The following CCDC74A variants were observed in gnomAD, a reference collection of about 807,000 sequenced individuals.
The protein encoded by CCDC74A is coiled-coil domain-containing protein 74A.
A neutral mutation model predicts 37.6 loss-of-function variants in CCDC74A; 38 were observed. The observed-to-expected ratio is 1.01, with a 90% CI of 0.78 to 1.33. The LOEUF is 1.33. Ranked by LOEUF, CCDC74A falls within the 40% of genes most tolerant of loss-of-function variation. The probability of loss-of-function intolerance (pLI) is 0.00; values close to 1 mark genes in which losing one functional copy is unlikely to be tolerated. For missense variants in CCDC74A, 340 were observed against 403.4 expected, an observed-to-expected ratio of 0.84 and a Z score of 1.35; for synonymous variants, 134 against 165.2, an observed-to-expected ratio of 0.81 and a Z score of 1.45.
chr2:131,529,463 C>T (rs2104795160), intron 1 of CCDC74A, 184 bp from the exon 2 acceptor site: 1 of 792,648 alleles, frequency 1.3e-6, no homozygotes, highest in East Asian at 2.6e-5. Flanking sequence ...CAGGCAGGGC[C>T]ATTCCTGGCC....
upstream of CCDC74A, among the ~76,000 whole-genome samples, chr2:131,523,980 T>C (rs1300646397): frequency 6.6e-6 from 1 of 152,100 alleles, no homozygotes. Flanking sequence ...CACACTTGAC[T>C]TTCATGTGCC....
At chr2:131,528,487 A>G (rs1271840115) in intron 1 of CCDC74A, 3 of 1,498,462 alleles carry the variant, frequency 2.0e-6, no homozygotes, top group Non-Finnish European at 2.7e-6. Flanking sequence ...TCTCCTCTCC[A>G]AGCAGGGTCA....
intron 1 of CCDC74A, chr2:131,528,675 G>A: frequency 2.2e-6 from 1 of 453,108 alleles, no homozygotes; most frequent in South Asian, 1.9e-5. Flanking sequence ...GCTAGGCGTG[G>A]TGGTGGGCGT....
upstream of CCDC74A, among the ~76,000 whole-genome samples, chr2:131,522,824 T>TC (rs1680168006): frequency 6.6e-6 from 1 of 152,122 alleles, no homozygotes; most frequent in Non-Finnish European, 1.5e-5. Flanking sequence ...TCTATACCTT[T>TC]CCCCTTGGAC....
chr2:131,533,409 T>C lies in CCDC74A; in HGVS notation c.*11T>C, dbSNP rs1681748553. On this transcript the variant is annotated 3_prime_UTR_variant, in exon 8 of 8. Transcript: ENST00000409856. ...CGCTCAGTGCTTTGAGCCACCCCAA[T>C]CTGGTCAGTGCCAGGCCCACCAACC... 2 of 1,613,088 alleles carry C rather than the reference T, an allele frequency of 1.2e-6. No homozygotes were observed. Among genetic ancestry groups the C allele is most frequent in the Admixed American group, 1.7e-5 (1 of 59,996 alleles).
At chr2:131,523,853 A>AG (rs1680210255), upstream of CCDC74A, among the ~76,000 whole-genome samples, 1 of 151,246 alleles carries the variant, frequency 6.6e-6, no homozygotes, top group African/African-American at 2.4e-5. Flanking sequence ...AACACACTGC[A>AG]TGTGTTTAGG....
chr2:131,532,052 G>A (rs1429773926), intron 4 of CCDC74A, among the ~76,000 whole-genome samples: 1 of 150,660 alleles, frequency 6.6e-6, no homozygotes, highest in East Asian at 1.9e-4. Flanking sequence ...GAGCCCACGA[G>A]GGGGGCCAGT....
At chr2:131,533,117 C>A (rs769640728) in intron 7 of CCDC74A, 48 bp downstream of exon 7, 4 of 1,612,188 alleles carry the variant, frequency 2.5e-6, no homozygotes, top group Non-Finnish European at 3.4e-6. Context: ...GCAGCCTGGG[C>A]CCCAGGGAGG....
At chr2:131,529,249 G>A in intron 1 of CCDC74A, 1 of 359,792 alleles carries the variant, frequency 2.8e-6, no homozygotes, top group Non-Finnish European at 5.3e-6. Flanking sequence ...GTCTTCTTGA[G>A]CCTCAGGACG....
At chr2:131,528,769 C>G (rs1680661723) in intron 1 of CCDC74A, 1 of 356,730 alleles carries the variant, frequency 2.8e-6, no homozygotes, top group Admixed American at 3.9e-5. Flanking sequence ...CGAGATCTTG[C>G]GACTGCACTC....
At chr2:131,530,643 C>T (rs1194051940) in intron 2 of CCDC74A, 134 bp from the exon 3 acceptor site, 4 of 1,612,750 alleles carry the variant, frequency 2.5e-6, no homozygotes, top group Non-Finnish European at 3.4e-6. Flanking sequence ...GGGTCTGCAT[C>T]AACGGAGTGT....
At chr2:131,525,961 G>A (rs927916453), upstream of CCDC74A, among the ~76,000 whole-genome samples, 3 of 149,812 alleles carry the variant, frequency 2.0e-5, no homozygotes, top group East Asian at 4.0e-4. Flanking sequence ...CTCGTGATCC[G>A]CCCGCCTCGG....
At chr2:131,530,393 A>G in intron 2 of CCDC74A, 3 of 1,548,872 alleles carry the variant, frequency 1.9e-6, no homozygotes, top group Non-Finnish European at 2.6e-6. Context: ...GACATGGAGA[A>G]GGGGGTTGAG....
intron 2 of CCDC74A, 31 bp from the exon 3 acceptor site, chr2:131,530,746 G>C (rs769081576): frequency 1.9e-6 from 3 of 1,612,980 alleles, no homozygotes; most frequent in Admixed American, 3.3e-5. Context: ...TCTTGCGGGC[G>C]GTAGCGCCGA....
chr2:131,531,865 GGCCCCAT>G lies in CCDC74A; in HGVS notation c.485+65_485+71del, dbSNP rs1681372222. 3.3e-6 allele frequency: 5 copies of G among 1,517,694 alleles called. 1 individual carries two copies. The Admixed American group carries it at 1.0e-4, about 31-fold the overall frequency. 94.0% of individuals were successfully genotyped at this position (1,517,694 alleles called of 1,614,324 possible). On this transcript the variant is annotated intron_variant, in intron 4 of 7. Coordinates refer to ENST00000409856, the MANE Select transcript of CCDC74A (RefSeq NM_001258306.3). The stretch of plus-strand genomic sequence containing the variant: ...AGGTAAGTCTTGCCTGCACCCTAAG[GGCCCCAT>G]GACTACATTTACTAGGCTCACGCCC...
At chr2:131,529,437 G>A (rs762275349) in intron 1 of CCDC74A, 5 of 713,800 alleles carry the variant, frequency 7.0e-6, no homozygotes, top group Middle Eastern at 2.3e-4. Flanking sequence ...ATGCCCGGTG[G>A]GCTCTGCCTA....
chr2:131,527,943 C>T lies in CCDC74A; in HGVS notation c.-28C>T, dbSNP rs1247079476. On this transcript the variant is annotated 5_prime_UTR_variant, in exon 1 of 8. Transcript: ENST00000409856. ...TGGCCACTGAGCCGGGGTGCAGTGGCAGCGGGAGAGTACCTGGCGATGGCG... is the reference window on the plus strand; with the variant it reads ...TGGCCACTGAGCCGGGGTGCAGTGGTAGCGGGAGAGTACCTGGCGATGGCG... 1.4e-6 allele frequency: 2 copies of T among 1,413,108 alleles called. No individual in the cohort carries two copies. The highest frequency in any genetic ancestry group is 1.5e-5 in the African/African-American group (1 of 66,584). The allele number at this position is 1,413,108 out of a possible 1,614,324, so 87.5% of individuals were successfully genotyped here.
chr2:131,528,746 G>A (rs1377579817), intron 1 of CCDC74A: 2 of 365,364 alleles, frequency 5.5e-6, no homozygotes, highest in Admixed American at 3.8e-5. Context: ...GGGAGGCGGA[G>A]CTTGCAGTGA....
At chr2:131,532,150 T>C (rs1260600496) in intron 4 of CCDC74A, among the ~76,000 whole-genome samples, 2 of 148,668 alleles carry the variant, frequency 1.3e-5, no homozygotes, top group African/African-American at 4.9e-5. Context: ...AGCCTGCCTT[T>C]GGAGGGCACT....
Sources: gnomAD v4.1 joint callset for allele counts (sites outside exome capture counted in the v4.1 genomes callset) on GRCh38, gnomAD v4.1.1 for gene constraint, MANE v1.5 for transcripts, NCBI Gene and HGNC (gene_info 2026-07-23, HGNC 2026-07-21) for gene names.